PC: variants seen among roughly 807,000 people sequenced by gnomAD.
PC encodes the protein pyruvate carboxylase.
Under a neutral mutation model 107.8 loss-of-function variants are expected in PC, and 46 were observed. The ratio of observed to expected loss-of-function variants is 0.43; its 90% confidence interval spans 0.34 to 0.55. PC has a LOEUF of 0.55. Ranked by LOEUF, PC falls within the 20% of genes least tolerant of loss-of-function variation. PC has a pLI of 0.04. For synonymous variants in PC, 662 were observed against 684.7 expected, an observed-to-expected ratio of 0.97 and a Z score of 0.52; for missense variants, 1,241 against 1,643.1, an observed-to-expected ratio of 0.76 and a Z score of 4.23.
chr11:66,924,790 G>T (rs1454945390), intron 3 of PC, among the ~76,000 whole-genome samples: 1 of 152,148 alleles, frequency 6.6e-6, no homozygotes, highest in Non-Finnish European at 1.5e-5. Context: ...TTGCAAACAA[G>T]ACAGACATGA....
At chr11:66,955,620 C>A (rs578135681) in intron 1 of PC, among the ~76,000 whole-genome samples, 165 of 152,258 alleles carry the variant, frequency 1.1e-3, no homozygotes, top group Non-Finnish European at 1.5e-3. Flanking sequence ...GTGAACAAAG[C>A]CCCTTCCCTA....
intron 3 of PC, among the ~76,000 whole-genome samples, chr11:66,874,116 C>T (rs895767861): frequency 9.2e-5 from 14 of 152,136 alleles, no homozygotes; most frequent in African/African-American, 2.7e-4. Flanking sequence ...CCCGCCACCA[C>T]GCCCAGCTAA....
rs763631086 is a variant in PC, at chr11:66,850,915, G to C, written c.2232C>G (p.Ala744=). ...GTHILCIKDM[A]GLLKPTACTM... ...TGCAGGCCGTGGGCTTCAGCAGCCCGGCCATGTCCTGGGGGAAGTGGGAGA... is the reference window on the plus strand; with the variant it reads ...TGCAGGCCGTGGGCTTCAGCAGCCCCGCCATGTCCTGGGGGAAGTGGGAGA... Residue 744 remains alanine, a synonymous_variant, in exon 18 of 23, where the codon GCC becomes GCG. Transcript: ENST00000393960. The C allele has an allele frequency of 6.2e-7, 1 of 1,608,982 alleles. No individual in the cohort carries two copies. The highest frequency in any genetic ancestry group is 8.5e-7 in the Non-Finnish European group (1 of 1,179,964).
intron 3 of PC, among the ~76,000 whole-genome samples, chr11:66,927,166 T>C (rs1043826309): frequency 7.3e-6 from 1 of 137,284 alleles, no homozygotes; most frequent in Admixed American, 8.5e-5. Context: ...TAATTTTTTT[T>C]TGTATTTGAA....
intron 3 of PC, among the ~76,000 whole-genome samples, chr11:66,876,018 C>G (rs1946963988): frequency 1.3e-5 from 2 of 152,170 alleles, no homozygotes; most frequent in Non-Finnish European, 2.9e-5. Context: ...ACTCTTCAAA[C>G]ATGTCAAAGG....
chr11:66,914,304 G>A (rs956983162), intron 3 of PC, among the ~76,000 whole-genome samples: 5 of 152,158 alleles, frequency 3.3e-5, no homozygotes, highest in Non-Finnish European at 7.4e-5. Flanking sequence ...CTGAGGTCAG[G>A]AGTTCGAGAC....
At chr11:66,875,852 C>T (rs975991827) in intron 3 of PC, among the ~76,000 whole-genome samples, 3 of 152,108 alleles carry the variant, frequency 2.0e-5, no homozygotes, top group Admixed American at 6.5e-5. Context: ...GCGGACACCA[C>T]GCTGACCGAG....
chr11:66,907,563 G>C (rs1948203460), intron 3 of PC, among the ~76,000 whole-genome samples: 1 of 152,154 alleles, frequency 6.6e-6, no homozygotes, highest in Admixed American at 6.6e-5. Context: ...CTCAGGTCAA[G>C]TAGGGTTTGC....
At position 66,866,440 on chromosome 11, in the gene PC, C is replaced by A; in HGVS notation, c.1023-91G>T. The A allele has an allele frequency of 1.1e-6, 1 of 937,552 alleles. No homozygotes were observed. Among genetic ancestry groups the A allele is most frequent in the Non-Finnish European group, 1.6e-6 (1 of 606,478 alleles). 58.1% of individuals were successfully genotyped at this position (937,552 alleles called of 1,614,324 possible). ...ACGAGGGGCACCGCAGCCAGTGGGG[C>A]GTCCACACACAGTGCGACTCCTGCC... On this transcript the variant is annotated intron_variant, in intron 10 of 22. Transcript: ENST00000393960. This position sits in a 1 kb window ranked among gnomAD's most constrained non-coding sequence, Gnocchi z 5.4.
At chr11:66,923,575 G>A (rs1486856478) in intron 3 of PC, among the ~76,000 whole-genome samples, 4 of 150,328 alleles carry the variant, frequency 2.7e-5, no homozygotes, top group African/African-American at 7.3e-5. Flanking sequence ...TAGTAGTGGC[G>A]CGATCTCGGC....
intron 3 of PC, among the ~76,000 whole-genome samples, chr11:66,928,521 T>A (rs1203158403): frequency 6.6e-6 from 1 of 150,944 alleles, no homozygotes; most frequent in African/African-American, 2.4e-5. Flanking sequence ...GAGCATTAAT[T>A]ATTATTATTA....
chr11:66,918,689 T>C (rs1187976270), intron 3 of PC, among the ~76,000 whole-genome samples: 2 of 152,092 alleles, frequency 1.3e-5, no homozygotes, highest in Non-Finnish European at 2.9e-5. Flanking sequence ...AATCTACTTC[T>C]GCCATTCTCT....
chr11:66,857,537 T>A lies in PC; in HGVS notation c.1369-4154A>T. The A allele has an allele frequency of 1.7e-6, 1 of 576,758 alleles. No individual in the cohort carries two copies. The highest frequency in any genetic ancestry group is 3.0e-6 in the Non-Finnish European group (1 of 328,710). The allele number at this position is 576,758 out of a possible 1,614,324, so 35.7% of individuals were successfully genotyped here. On this transcript the variant is annotated intron_variant, in intron 12 of 22. Transcript: ENST00000393960. This position sits in a 1 kb window ranked among gnomAD's most constrained non-coding sequence, Gnocchi z 7.1. Reference sequence around the variant, plus strand: ...GCGCCTGGACTCCCCCTTAACTGCTTGGGAAATGTGACCTTTGCTCTGGGG... The same window carrying A: ...GCGCCTGGACTCCCCCTTAACTGCTAGGGAAATGTGACCTTTGCTCTGGGG...
intron 3 of PC, among the ~76,000 whole-genome samples, chr11:66,927,254 G>A (rs1948738915): frequency 1.4e-5 from 2 of 143,182 alleles, no homozygotes; most frequent in African/African-American, 5.3e-5. Flanking sequence ...GCCTCCCCTA[G>A]TCATGCTTTA....
chr11:66,897,154 G>A (rs562987946), intron 3 of PC, among the ~76,000 whole-genome samples: 34 of 152,156 alleles, frequency 2.2e-4, no homozygotes, highest in Admixed American at 2.0e-3. Flanking sequence ...GGCTGGTCTC[G>A]AGCTCCTGAC....
intron 3 of PC, among the ~76,000 whole-genome samples, chr11:66,881,275 G>A (rs961700569): frequency 9.9e-5 from 15 of 152,186 alleles, no homozygotes; most frequent in African/African-American, 2.9e-4. Context: ...TCTTGGCCTC[G>A]GGTTGTGCAT....
At chr11:66,907,214 T>C (rs1041646175) in intron 3 of PC, among the ~76,000 whole-genome samples, 3 of 152,192 alleles carry the variant, frequency 2.0e-5, no homozygotes, top group African/African-American at 7.2e-5. Context: ...GCCAAGGTCT[T>C]CTGTCCAAGG....
Position 66,849,685 on chromosome 11 carries a change from C to T in PC, c.3073G>A (p.Ala1025Thr). Residue 1025 changes from alanine (A) to threonine (T), a missense_variant, in exon 21 of 23, where the codon GCC (alanine) becomes ACC (threonine). By Grantham distance (58) the Ala-to-Thr change is moderately conservative. Coordinates refer to ENST00000393960, the MANE Select transcript of PC (RefSeq NM_001040716.2). ...AGGCTATCCAGGGGGCCAAAGGTGG[C>T]AGTGAAGTCCTTGAAGTGGGCAAAC... ...DVFAHFKDFT[A>T]TFGPLDSLNT... is the part of the protein sequence containing the mutation. 1 of 1,614,202 alleles carries T rather than the reference C, an allele frequency of 6.2e-7. No homozygotes were observed. The highest frequency in any genetic ancestry group is 8.5e-7 in the Non-Finnish European group (1 of 1,180,028).
At chr11:66,940,153 A>G (rs892154377) in intron 3 of PC, among the ~76,000 whole-genome samples, 4 of 151,980 alleles carry the variant, frequency 2.6e-5, no homozygotes, top group Non-Finnish European at 5.9e-5. Flanking sequence ...CAAATCATGT[A>G]TCTGATAAGG....
Sources: allele counts gnomAD v4.1 joint callset (sites outside exome capture counted in the v4.1 genomes callset), GRCh38; gene constraint gnomAD v4.1.1; non-coding constraint Gnocchi (gnomAD v3.1); transcripts MANE v1.5; gene names NCBI Gene and HGNC (gene_info 2026-07-23, HGNC 2026-07-21).